The following CALN1 variants were observed in gnomAD, a reference collection of about 807,000 sequenced individuals.
CALN1 encodes calcium-binding protein 8.
A neutral mutation model predicts 30.6 loss-of-function variants in CALN1; 17 were observed. That is an observed-to-expected ratio of 0.56 (90% confidence interval 0.38 to 0.83). CALN1 has a LOEUF of 0.83. CALN1 is among the 40% of genes least tolerant of loss of function. The probability of loss-of-function intolerance (pLI) is 0.00; values close to 1 mark genes in which losing one functional copy is unlikely to be tolerated. For synonymous variants in CALN1, 156 were observed against 131.4 expected, an observed-to-expected ratio of 1.19 and a Z score of -1.28; for missense variants, 291 against 354.9, an observed-to-expected ratio of 0.82 and a Z score of 1.45.
chr7:72,464,125 GGAGA>G, the CALN1 span, among the ~76,000 whole-genome samples: 2 of 150,990 alleles, frequency 1.3e-5, no homozygotes, highest in African/African-American at 4.9e-5. Context: ...AAGGAGGGAG[GGAGA>G]GAGAGAGAAA....
intron 5 of CALN1, among the ~76,000 whole-genome samples, chr7:71,834,639 A>C (rs1309980552): frequency 1.3e-5 from 2 of 152,184 alleles, no homozygotes; most frequent in Non-Finnish European, 2.9e-5. Context: ...TCCTTGCACC[A>C]GTTTTAGTTC....
At chr7:71,931,382 T>G (rs1795542884) in intron 5 of CALN1, among the ~76,000 whole-genome samples, 1 of 152,134 alleles carries the variant, frequency 6.6e-6, no homozygotes, top group Admixed American at 6.5e-5. Context: ...TCTCTTTGCC[T>G]CAGCCTCTGG....
intron 3 of CALN1, among the ~76,000 whole-genome samples, chr7:72,170,412 A>T (rs972900462): frequency 3.3e-5 from 5 of 152,240 alleles, no homozygotes; most frequent in African/African-American, 1.2e-4. Flanking sequence ...TTCGATCGTG[A>T]CAAGGTCCTA....
chr7:71,849,081 T>C (rs577272817), intron 5 of CALN1, among the ~76,000 whole-genome samples: 52 of 152,190 alleles, frequency 3.4e-4, no homozygotes, highest in Non-Finnish European at 5.9e-4. Flanking sequence ...TTAAGGTGTT[T>C]AACTCAATGG....
chr7:72,418,309 A>G (rs890684377), intron 1 of CALN1, among the ~76,000 whole-genome samples: 10 of 152,108 alleles, frequency 6.6e-5, no homozygotes, highest in African/African-American at 2.4e-4. Flanking sequence ...ATTCTTTTTC[A>G]TGACTGTGTA....
chr7:71,985,694 A>G lies in CALN1; in HGVS notation c.501+37963T>C, dbSNP rs181360292. Among the ~76,000 whole-genome samples the G allele has an allele frequency of 4.7e-3, 684 of 146,236 alleles. 3 individuals carry two copies. Among genetic ancestry groups the G allele is most frequent in the African/African-American group, 0.016 (638 of 39,218 alleles). ...AACCCCTGCCTCCCAGGTTCAAGCG[A>G]TTCTCCTGCCTCAGCCTCCTGAGTA... On this transcript the variant is annotated intron_variant, in intron 5 of 6. Transcript: ENST00000395275.
At chr7:71,976,259 C>T (rs551928741) in intron 5 of CALN1, among the ~76,000 whole-genome samples, 1 of 152,202 alleles carries the variant, frequency 6.6e-6, no homozygotes, top group South Asian at 2.1e-4. Context: ...GGTGATGAAT[C>T]ACGTAACATC....
intron 2 of CALN1, among the ~76,000 whole-genome samples, chr7:72,293,190 G>C (rs1798613882): frequency 6.6e-6 from 1 of 152,200 alleles, no homozygotes; most frequent in Non-Finnish European, 1.5e-5. Context: ...GGGTGGAAAA[G>C]CCAAACAGAG....
the CALN1 span, among the ~76,000 whole-genome samples, chr7:72,462,517 G>A: frequency 1.3e-5 from 2 of 152,248 alleles, no homozygotes; most frequent in East Asian, 1.9e-4. Context: ...GCTGGTGTGC[G>A]GTGCCTGCTG....
At chr7:72,030,076 G>T (rs1262086995) in intron 4 of CALN1, among the ~76,000 whole-genome samples, 2 of 152,108 alleles carry the variant, frequency 1.3e-5, no homozygotes, top group African/African-American at 4.8e-5. Flanking sequence ...AGATAGTAAC[G>T]GAATTCAATT....
chr7:71,986,984 C>T (rs536887859), intron 5 of CALN1, among the ~76,000 whole-genome samples: 4 of 151,984 alleles, frequency 2.6e-5, no homozygotes, highest in African/African-American at 9.6e-5. Flanking sequence ...AAAAATTAGC[C>T]GGGCGGTAGT....
At chr7:72,310,907 T>TAAAA in intron 2 of CALN1, among the ~76,000 whole-genome samples, 1 of 113,724 alleles carries the variant, frequency 8.8e-6, no homozygotes, top group African/African-American at 3.1e-5. Flanking sequence ...GACTCCGTCT[T>TAAAA]AAAAAAAAAA....
intron 2 of CALN1, among the ~76,000 whole-genome samples, chr7:72,320,635 G>C (rs1462143283): frequency 1.3e-5 from 2 of 152,040 alleles, no homozygotes; most frequent in African/African-American, 2.4e-5. Context: ...AGGAGTTCAA[G>C]ACCAGCCCGG....
chr7:72,372,493 A>G (rs1276592288), intron 2 of CALN1, among the ~76,000 whole-genome samples: 2 of 152,312 alleles, frequency 1.3e-5, no homozygotes, highest in South Asian at 2.1e-4. Flanking sequence ...ATGGATAGGG[A>G]AAAGTTTGCT....
At chr7:72,159,378 T>C (rs1025562194) in intron 3 of CALN1, among the ~76,000 whole-genome samples, 2 of 152,192 alleles carry the variant, frequency 1.3e-5, no homozygotes, top group African/African-American at 2.4e-5. Flanking sequence ...TGTGTGCCTG[T>C]AATCCAGCTA....
chr7:72,090,962 G>A (rs1472662952), intron 4 of CALN1, among the ~76,000 whole-genome samples: 3 of 152,040 alleles, frequency 2.0e-5, no homozygotes, highest in Non-Finnish European at 4.4e-5. Flanking sequence ...ATGGCTAATG[G>A]GTATAAAAAT....
chr7:71,899,792 G>C (rs373048534), intron 5 of CALN1, among the ~76,000 whole-genome samples: 9 of 152,250 alleles, frequency 5.9e-5, no homozygotes, highest in Admixed American at 2.6e-4. Context: ...CCATATGGAT[G>C]CATGGCATAG....
At chr7:71,829,264 A>T (rs917904899) in intron 5 of CALN1, among the ~76,000 whole-genome samples, 1 of 152,128 alleles carries the variant, frequency 6.6e-6, no homozygotes, top group Admixed American at 6.6e-5. Context: ...GATTTCACTA[A>T]AGAGGAAAAG....
chr7:72,252,265 C>T (rs985055409), intron 3 of CALN1, among the ~76,000 whole-genome samples: 10 of 152,114 alleles, frequency 6.6e-5, no homozygotes, highest in Admixed American at 2.0e-4. Context: ...ACCTACCCCG[C>T]ACCCCAATCA....
Sources: gnomAD v4.1 joint callset for allele counts (sites outside exome capture counted in the v4.1 genomes callset) on GRCh38, gnomAD v4.1.1 for gene constraint, MANE v1.5 for transcripts, NCBI Gene and HGNC (gene_info 2026-07-23, HGNC 2026-07-21) for gene names.